Variants in ADPRHL1 observed in about 807,000 individuals in gnomAD.
ADPRHL1 encodes the protein inactive ADP-ribosyltransferase ARH2.
ADPRHL1 carries 43 observed loss-of-function variants against 44.1 expected under a neutral mutation model. That is an observed-to-expected ratio of 0.98 (90% CI 0.76 to 1.26). The LOEUF (loss-of-function observed/expected upper bound fraction) is 1.26. Among genes scored for constraint, ADPRHL1 ranks in the 50% most tolerant of loss-of-function variants. ADPRHL1 has a pLI of 0.00. For missense variants in ADPRHL1, 2,022 were observed against 2,496.9 expected (o/e 0.81, Z 4.05); for synonymous variants, 878 against 1,017.4 (o/e 0.86, Z 2.61).
intron 2 of ADPRHL1, among the ~76,000 whole-genome samples, chr13:113,443,124 C>T (rs1331560552): frequency 2.0e-5 from 3 of 152,136 alleles, no homozygotes; most frequent in African/African-American, 7.2e-5. Context: ...ATTCTGACAC[C>T]TGTGTTGGGC....
chr13:113,409,542 G>A lies in ADPRHL1; in HGVS notation c.1062-1322C>T, dbSNP rs1174813587. 6 of 985,260 alleles carry A rather than the reference G, an allele frequency of 6.1e-6. No individual in the cohort carries two copies. Among genetic ancestry groups the A allele is most frequent in the Non-Finnish European group, 7.2e-6 (6 of 829,932 alleles). The allele number at this position is 985,260 out of a possible 1,614,324, so 61.0% of individuals were successfully genotyped here. ...GGGAGAAGAGTCGGTGGCCGGATGC[G>A]GCTGGTGACGTGGTGCCAAGTGAAA... is the stretch of plus-strand genomic sequence containing the variant. On this transcript the variant is annotated intron_variant, in intron 7 of 7. Coordinates refer to ENST00000612156, the MANE Select transcript of ADPRHL1 (RefSeq NM_001394807.1). This position sits in a 1 kb window ranked among gnomAD's most constrained non-coding sequence, Gnocchi z 4.2.
intron 7 of ADPRHL1, among the ~76,000 whole-genome samples, chr13:113,418,260 G>A (rs563418881): frequency 2.0e-5 from 3 of 152,192 alleles, no homozygotes; most frequent in Admixed American, 6.5e-5. Context: ...GAATAGACAG[G>A]GGAAATAACA....
rs140975458 is a variant in ADPRHL1, at chr13:113,404,050, A to G, written c.5232T>C (p.Ala1744=). The G allele has an allele frequency of 1.5e-4, 198 of 1,287,006 alleles. No individual in the cohort carries two copies. The African/African-American group carries it at 3.2e-3, about 21-fold the overall frequency. 79.7% of individuals were successfully genotyped at this position (1,287,006 alleles called of 1,614,324 possible). ...ERAREQAQKG[A]QERAQEQGRE... ...GACCCTGTTCCTGAGCCCGTTCCTG[A>G]GCCCCTTTCTGGGCCTGTTCCCGAG... Residue 1744 remains alanine (A), a synonymous_variant, in exon 8 of 8, where the codon GCT becomes GCC. Coordinates refer to ENST00000612156, the MANE Select transcript of ADPRHL1 (RefSeq NM_001394807.1).
chr13:113,411,080 A>G (rs546634446), intron 7 of ADPRHL1, among the ~76,000 whole-genome samples: 19 of 152,310 alleles, frequency 1.2e-4, no homozygotes, highest in Admixed American at 1.1e-3. Context: ...TCATCTGAAT[A>G]AAGGCCACCA....
intron 1 of ADPRHL1, among the ~76,000 whole-genome samples, chr13:113,446,244 G>A (rs2044136970): frequency 6.7e-6 from 1 of 148,372 alleles, no homozygotes; most frequent in Non-Finnish European, 1.5e-5. Flanking sequence ...CCCTGCAGCT[G>A]CAAACCCCCC....
chr13:113,450,808 C>T (rs1447588295), intron 1 of ADPRHL1, among the ~76,000 whole-genome samples: 5 of 152,298 alleles, frequency 3.3e-5, no homozygotes, highest in South Asian at 2.1e-4. Context: ...AACATGAAGG[C>T]AGACTAGGAG....
intron 4 of ADPRHL1, among the ~76,000 whole-genome samples, chr13:113,426,232 G>A (rs1451107968): frequency 6.6e-6 from 1 of 152,190 alleles, no homozygotes; most frequent in African/African-American, 2.4e-5. Flanking sequence ...TCCCCGCCGT[G>A]GAGCCAGGAG....
At chr13:113,437,227 G>A (rs2044066845) in intron 2 of ADPRHL1, among the ~76,000 whole-genome samples, 1 of 147,288 alleles carries the variant, frequency 6.8e-6, no homozygotes. Context: ...GAACACAGGT[G>A]TACCCCGGGA....
At position 113,405,170 on chromosome 13, in the gene ADPRHL1, G is replaced by A; in HGVS notation, c.4112C>T (p.Pro1371Leu). ...CCTCCCCAGGTCCGCCTGTGTCAGGGGACGCTCCTGGGATTCACCTGCCTG... is the reference window on the plus strand; with the variant it reads ...CCTCCCCAGGTCCGCCTGTGTCAGGAGACGCTCCTGGGATTCACCTGCCTG... The part of the protein sequence containing the change: ...RTQAGESQER[P>L]LTQADLGRQQ... Residue 1371 changes from proline (P) to leucine (L), a missense_variant, in exon 8 of 8, where the codon CCC (proline) becomes CTC (leucine). Transcript: ENST00000612156. 1 of 1,231,954 alleles carries A rather than the reference G, an allele frequency of 8.1e-7. No homozygotes were observed. Among genetic ancestry groups the A allele is most frequent in the Non-Finnish European group, 1.0e-6 (1 of 988,120 alleles). 76.3% of individuals were successfully genotyped at this position (1,231,954 alleles called of 1,614,324 possible). A position where few individuals can be genotyped will look rare whatever the true frequency, so the allele number is the denominator to read the frequency against.
chr13:113,419,537 G>C (rs1330781228), intron 7 of ADPRHL1, among the ~76,000 whole-genome samples: 1 of 152,084 alleles, frequency 6.6e-6, no homozygotes, highest in African/African-American at 2.4e-5. Context: ...ATGAATCCTA[G>C]AATGAAATAC....
intron 7 of ADPRHL1, among the ~76,000 whole-genome samples, chr13:113,413,951 C>T (rs1288393915): frequency 6.6e-6 from 1 of 152,248 alleles, no homozygotes; most frequent in Middle Eastern, 3.2e-3. Context: ...CATCACAGCG[C>T]AGGAGACACA....
chr13:113,403,334 C>T lies in ADPRHL1; in HGVS notation c.*44G>A, dbSNP rs774414860. The T allele has an allele frequency of 3.7e-5, 45 of 1,230,338 alleles. No individual in the cohort carries two copies. Among genetic ancestry groups the T allele is most frequent in the Admixed American group, 4.2e-5 (1 of 23,694 alleles). 76.2% of individuals were successfully genotyped at this position (1,230,338 alleles called of 1,614,324 possible). A position where few individuals can be genotyped will look rare whatever the true frequency, so the allele number is the denominator to read the frequency against. On this transcript the variant is annotated 3_prime_UTR_variant, in exon 8 of 8. Transcript: ENST00000612156. ...AAAATGCCTGAAGTCCCTCAATGGG[C>T]GGATGTCACAGTGCTGGGCGAGCCA... is the stretch of plus-strand genomic sequence containing the variant.
intron 3 of ADPRHL1, among the ~76,000 whole-genome samples, chr13:113,430,226 G>A (rs1269405905): frequency 6.6e-6 from 1 of 152,198 alleles, no homozygotes; most frequent in Non-Finnish European, 1.5e-5. Context: ...AGACTGATCT[G>A]AATTACGATG....
At chr13:113,421,982 A>T in intron 7 of ADPRHL1, 1 of 152,258 alleles carries the variant, frequency 6.6e-6, no homozygotes. Context: ...CAGATGCTGC[A>T]TGGAAAAATC....
intron 7 of ADPRHL1, among the ~76,000 whole-genome samples, chr13:113,418,423 T>G (rs556002002): frequency 6.6e-6 from 1 of 152,302 alleles, no homozygotes; most frequent in South Asian, 2.1e-4. Context: ...TGGATCCGCT[T>G]CCTCCAACGT....
chr13:113,421,697 G>A (rs373318848), intron 7 of ADPRHL1, among the ~76,000 whole-genome samples: 43 of 152,348 alleles, frequency 2.8e-4, no homozygotes, highest in African/African-American at 9.4e-4. Flanking sequence ...GGAATCCTAA[G>A]TGGGAGCATA....
rs560436796 is a variant in ADPRHL1, at chr13:113,451,097, T to C, written c.214+2127A>G. On this transcript the variant is annotated intron_variant, in intron 1 of 7. Coordinates refer to ENST00000612156, the MANE Select transcript of ADPRHL1 (RefSeq NM_001394807.1). ...ACCAAGGAGCCATCTGGTGGCCCTG[T>C]CCGGGCATAACAGAAGGCTCGCACT... Among the ~76,000 whole-genome samples the C allele has an allele frequency of 7.3e-4, 111 of 152,330 alleles. 1 individual carries two copies. Among genetic ancestry groups the C allele is most frequent in the Non-Finnish European group, 1.2e-3 (82 of 68,032 alleles).
At chr13:113,447,537 G>A (rs535476162) in intron 1 of ADPRHL1, among the ~76,000 whole-genome samples, 10 of 152,106 alleles carry the variant, frequency 6.6e-5, no homozygotes, top group Admixed American at 2.0e-4. Flanking sequence ...CTACACTCAC[G>A]GTGTTTTGTG....
At position 113,441,744 on chromosome 13, in the gene ADPRHL1, G is replaced by A. The variant is rs1345482720; in HGVS notation, c.379+2681C>T. Among the ~76,000 whole-genome samples the A allele has an allele frequency of 1.3e-5, 2 of 151,914 alleles. No homozygotes were observed. Among genetic ancestry groups the A allele is most frequent in the Admixed American group, 1.3e-4 (2 of 15,254 alleles). On this transcript the variant is annotated intron_variant, in intron 2 of 7. Coordinates refer to ENST00000612156, the MANE Select transcript of ADPRHL1 (RefSeq NM_001394807.1). This position sits in a 1 kb window ranked among gnomAD's most constrained non-coding sequence, Gnocchi z 6.0. ...TCTATCATGCCATGTCCCGCCACTTGGGTCCGTGTCTCTATCATGCTCCGC... is the reference window on the plus strand; with the variant it reads ...TCTATCATGCCATGTCCCGCCACTTAGGTCCGTGTCTCTATCATGCTCCGC...
Sources: gnomAD v4.1 joint callset for allele counts (sites outside exome capture counted in the v4.1 genomes callset) on GRCh38, gnomAD v4.1.1 for gene constraint, Gnocchi (gnomAD v3.1) non-coding constraint, MANE v1.5 for transcripts, NCBI Gene and HGNC (gene_info 2026-07-23, HGNC 2026-07-21) for gene names.